The following VPS13B variants were observed in gnomAD, a reference collection of about 807,000 sequenced individuals.
VPS13B encodes the protein intermembrane lipid transfer protein VPS13B.
A neutral mutation model predicts 426.4 loss-of-function variants in VPS13B; 285 were observed. That is an observed-to-expected ratio of 0.67 (90% CI 0.61 to 0.74). The LOEUF (loss-of-function observed/expected upper bound fraction) is 0.74, where lower values mean the gene tolerates loss of function less well. Among genes scored for constraint, VPS13B ranks in the 30% least tolerant of loss-of-function variants. The pLI, the probability that VPS13B is intolerant of heterozygous loss-of-function variation, is 0.00. For missense variants in VPS13B, 4,537 were observed against 4,782.6 expected, an observed-to-expected ratio of 0.95 and a Z score of 1.51; for synonymous variants, 1,676 against 1,676.4, an observed-to-expected ratio of 1.00 and a Z score of 0.01.
intron 24 of VPS13B, among the ~76,000 whole-genome samples, chr8:99,470,354 A>C (rs2133520668): frequency 6.6e-6 from 1 of 152,326 alleles, no homozygotes; most frequent in Middle Eastern, 3.4e-3. Context: ...ATTGAATTGC[A>C]AAATGACTTT....
At position 99,642,152 on chromosome 8, in the gene VPS13B, A is replaced by G. The variant is rs1588579605; in HGVS notation, c.5562A>G (p.Glu1854=). The change falls in exon 34 of 62, where the codon GAA becomes GAG. Residue 1854 remains glutamate (E), a synonymous_variant. Coordinates refer to ENST00000357162, the MANE Select transcript of VPS13B (RefSeq NM_152564.5). The part of the protein sequence containing the change: ...KTDKSSLNLP[E]VDSDVAKPNQ... ...ACAAGAGTTCATTAAATCTCCCAGA[A>G]GTTGATTCAGATGTTGCTAAGCCCA... 6.2e-7 allele frequency: 1 copy of G among 1,614,044 alleles called. No individual in the cohort carries two copies. Among genetic ancestry groups the G allele is most frequent in the South Asian group, 1.1e-5 (1 of 91,082 alleles).
chr8:99,188,386 T>C (rs75218431), intron 16 of VPS13B, among the ~76,000 whole-genome samples: 2,848 of 152,312 alleles, frequency 0.019, 278 homozygotes, highest in Admixed American at 0.15. Flanking sequence ...TAAAGGTTCA[T>C]CCATGTTATA....
At chr8:99,473,087 T>G (rs774153064) in intron 24 of VPS13B, among the ~76,000 whole-genome samples, 1 of 151,870 alleles carries the variant, frequency 6.6e-6, no homozygotes, top group Non-Finnish European at 1.5e-5. Flanking sequence ...CTGGAAAAAA[T>G]AACATAAATT....
intron 17 of VPS13B, among the ~76,000 whole-genome samples, chr8:99,209,093 A>G (rs1814909667): frequency 6.6e-6 from 1 of 152,130 alleles, no homozygotes; most frequent in South Asian, 2.1e-4. Context: ...ATCCTGGCCA[A>G]CATGCTAAAA....
chr8:99,425,465 C>G (rs1816642351), intron 21 of VPS13B, among the ~76,000 whole-genome samples: 1 of 152,070 alleles, frequency 6.6e-6, no homozygotes, highest in South Asian at 2.1e-4. Flanking sequence ...AGACAAAAAC[C>G]ACATGATTAT....
chr8:99,425,041 A>C (rs577088509), intron 21 of VPS13B, among the ~76,000 whole-genome samples: 1 of 152,222 alleles, frequency 6.6e-6, no homozygotes, highest in Non-Finnish European at 1.5e-5. Context: ...TGAATAGACC[A>C]ATAACAGGCT....
At chr8:99,240,446 T>C (rs966507628) in intron 17 of VPS13B, among the ~76,000 whole-genome samples, 1 of 152,188 alleles carries the variant, frequency 6.6e-6, no homozygotes, top group Non-Finnish European at 1.5e-5. Flanking sequence ...CTACATAATA[T>C]TGAGCTCAAT....
chr8:99,140,573 TTGCTGC>T (rs10531362), intron 12 of VPS13B, among the ~76,000 whole-genome samples: 25,406 of 149,888 alleles, frequency 0.17, 2,645 homozygotes, highest in East Asian at 0.36. Context: ...TCCTTTCTTC[TTGCTGC>T]TGCTGCTGCT....
At chr8:99,775,258 T>A (rs1434774387) in intron 40 of VPS13B, among the ~76,000 whole-genome samples, 1 of 152,194 alleles carries the variant, frequency 6.6e-6, no homozygotes, top group African/African-American at 2.4e-5. Flanking sequence ...ATTTGTTTCT[T>A]TAGTGCTTCC....
Position 99,026,919 on chromosome 8 carries a change from C to T in VPS13B, c.148-11504C>T, listed in dbSNP as rs545298706. On this transcript the variant is annotated intron_variant, in intron 2 of 61. Coordinates refer to ENST00000357162, the MANE Select transcript of VPS13B (RefSeq NM_152564.5). ...CGAGACGGAGTCTCACTCTGTCACC[C>T]AGGCTGGAGTGCAGCGGTGCAATCT... 1.6e-4 allele frequency among the ~76,000 whole-genome samples: 24 copies of T among 152,212 alleles called. 1 individual carries two copies. The South Asian group carries it at 2.9e-3, about 18-fold the overall frequency.
intron 19 of VPS13B, among the ~76,000 whole-genome samples, chr8:99,383,524 A>T (rs180817146): frequency 6.6e-6 from 1 of 152,122 alleles, no homozygotes; most frequent in Non-Finnish European, 1.5e-5. Flanking sequence ...GTGTGATTCA[A>T]TGTTTTATAG....
Position 99,778,939 on chromosome 8 carries a change from C to A in VPS13B, c.7687C>A (p.Leu2563Ile). Residue 2563 changes from leucine (L) to isoleucine (I), a missense_variant, in exon 42 of 62, where the codon CTT (leucine) becomes ATT (isoleucine). Around this residue, in one of 2 missense-constraint regions of VPS13B, gnomAD observed 4,311 missense variants for 4,474.3 expected, o/e 0.96. Coordinates refer to ENST00000357162, the MANE Select transcript of VPS13B (RefSeq NM_152564.5). Reference sequence around the variant, plus strand: ...TTCCAGCGATGTAGTGGAAAAGCTGCTTGACTGCACCGTGATAGTTGATTC... The same window carrying A: ...TTCCAGCGATGTAGTGGAAAAGCTGATTGACTGCACCGTGATAGTTGATTC... ...AVSSDVVEKL[L>I]DCTVIVDSVF... 1 of 1,613,950 alleles carries A rather than the reference C, an allele frequency of 6.2e-7. No homozygotes were observed.
At chr8:99,804,396 C>G (rs1001060707) in intron 43 of VPS13B, 2 of 152,226 alleles carry the variant, frequency 1.3e-5, no homozygotes, top group African/African-American at 4.8e-5. Context: ...ACCACATTCA[C>G]CAGGATTTGG....
chr8:99,317,260 G>C (rs1019760249), intron 19 of VPS13B, among the ~76,000 whole-genome samples: 5 of 151,920 alleles, frequency 3.3e-5, no homozygotes, highest in Non-Finnish European at 5.9e-5. Context: ...TAAATTATTT[G>C]TACTTATTTA....
chr8:99,794,049 C>T (rs1812688988), intron 43 of VPS13B, among the ~76,000 whole-genome samples: 1 of 152,136 alleles, frequency 6.6e-6, no homozygotes. Context: ...AGCTTGAGGC[C>T]AGGTATTTGA....
intron 31 of VPS13B, among the ~76,000 whole-genome samples, chr8:99,572,751 C>G (rs1358880799): frequency 6.6e-6 from 1 of 152,056 alleles, no homozygotes; most frequent in East Asian, 1.9e-4. Context: ...TGAATAGTGC[C>G]GCAGTAAACA....
At chr8:99,182,452 C>T (rs536109519) in intron 16 of VPS13B, among the ~76,000 whole-genome samples, 19 of 152,096 alleles carry the variant, frequency 1.2e-4, no homozygotes, top group Non-Finnish European at 2.2e-4. Flanking sequence ...TGAAATTCTA[C>T]AGTTTTTAGA....
At chr8:99,140,601 C>T (rs1333587897) in intron 12 of VPS13B, among the ~76,000 whole-genome samples, 1 of 149,508 alleles carries the variant, frequency 6.7e-6, no homozygotes, top group East Asian at 2.0e-4. Flanking sequence ...CCTCCCTCTC[C>T]TCCCCTTCTC....
chr8:99,124,261 A>G (rs1394283179), intron 8 of VPS13B, among the ~76,000 whole-genome samples: 1 of 152,360 alleles, frequency 6.6e-6, no homozygotes, highest in East Asian at 1.9e-4. Flanking sequence ...CAGAGCAGTG[A>G]TATGACACTG....
Sources: allele counts gnomAD v4.1 joint callset (sites outside exome capture counted in the v4.1 genomes callset), GRCh38; gene constraint gnomAD v4.1.1; regional missense constraint gnomAD v4.1.1; transcripts MANE v1.5; gene names NCBI Gene and HGNC (gene_info 2026-07-23, HGNC 2026-07-21).